Variants in PRKAG2 observed in about 807,000 individuals in gnomAD.
PRKAG2 encodes the protein 5'-AMP-activated protein kinase subunit gamma-2.
PRKAG2 carries 26 observed loss-of-function variants against 69.6 expected under a neutral mutation model. The observed-to-expected ratio is 0.37, with a 90% confidence interval of 0.27 to 0.52. PRKAG2 has a LOEUF of 0.52. Among genes scored for constraint, PRKAG2 ranks in the 20% least tolerant of loss-of-function variants. PRKAG2 has a pLI of 0.90. For missense variants in PRKAG2, 557 were observed against 740.0 expected, an observed-to-expected ratio of 0.75 and a Z score of 2.87; for synonymous variants, 293 against 285.0, an observed-to-expected ratio of 1.03 and a Z score of -0.28.
rs113764475 is a variant in PRKAG2 at position 151,731,522 on chromosome 7, CTGTG to C, written c.466+49626_466+49629del. Among the ~76,000 whole-genome samples, 5 of 107,762 alleles carry C rather than the reference CTGTG, an allele frequency of 4.6e-5. No homozygotes were observed. In the East Asian group the frequency reaches 9.3e-4, roughly 20 times the overall value. 70.7% of individuals were successfully genotyped at this position (107,762 alleles called of 152,430 possible). ...TGATTTGATGGCTGTGGGGAGAGCTCTGTGTGTGTGTGTGCGCACAGGTACATGA... is the reference window on the plus strand; with the variant it reads ...TGATTTGATGGCTGTGGGGAGAGCTCTGTGTGTGTGCGCACAGGTACATGA... On this transcript the variant is annotated intron_variant, in intron 3 of 15. Transcript: ENST00000287878.
At chr7:151,684,717 G>A (rs1834449067) in intron 3 of PRKAG2, among the ~76,000 whole-genome samples, 3 of 152,024 alleles carry the variant, frequency 2.0e-5, no homozygotes, top group Non-Finnish European at 2.9e-5. Flanking sequence ...TCCACCCTGC[G>A]GCCCCTCCAC....
chr7:151,692,081 G>C (rs542414746), intron 3 of PRKAG2, among the ~76,000 whole-genome samples: 1 of 152,222 alleles, frequency 6.6e-6, no homozygotes, highest in South Asian at 2.1e-4. Flanking sequence ...CCGGCTGCTT[G>C]GGAGGCTGAG....
intron 3 of PRKAG2, among the ~76,000 whole-genome samples, chr7:151,779,874 A>G (rs1586478560): frequency 6.6e-6 from 1 of 152,216 alleles, no homozygotes; most frequent in East Asian, 1.9e-4. Context: ...TCTGTACAGC[A>G]CTTTGATCCC....
chr7:151,634,919 G>A (rs923732835), intron 4 of PRKAG2, among the ~76,000 whole-genome samples: 2 of 150,866 alleles, frequency 1.3e-5, no homozygotes, highest in Non-Finnish European at 3.0e-5. Context: ...CTGCTGGTGG[G>A]AATGCAAAAT....
chr7:151,721,385 G>GCCAGGGCCGGGA (rs1337214253), intron 3 of PRKAG2, among the ~76,000 whole-genome samples: 43 of 132,876 alleles, frequency 3.2e-4, no homozygotes, highest in African/African-American at 1.1e-3. Flanking sequence ...CAGGGCCAGG[G>GCCAGGGCCGGGA]CCAGGGCCGG....
At chr7:151,654,804 T>G (rs1179550319) in intron 4 of PRKAG2, among the ~76,000 whole-genome samples, 1 of 152,238 alleles carries the variant, frequency 6.6e-6, no homozygotes, top group Non-Finnish European at 1.5e-5. Flanking sequence ...GCTGTTCTCA[T>G]GCCCCAGCTT....
chr7:151,856,403 T>C lies in PRKAG2; in HGVS notation c.114+20104A>G, dbSNP rs116810681. Among the ~76,000 whole-genome samples the C allele has an allele frequency of 8.8e-3, 1,337 of 152,344 alleles. 19 individuals are homozygous for C. The highest frequency in any genetic ancestry group is 0.027 in the African/African-American group (1,128 of 41,576). ...CCCCGAGGCGGGCCCCTGCGGAGGC[T>C]TGCAGCTCCCTGGAAGGTATTTTGC... is the stretch of plus-strand genomic sequence containing the variant. On this transcript the variant is annotated intron_variant, in intron 1 of 15. Coordinates refer to ENST00000287878, the MANE Select transcript of PRKAG2 (RefSeq NM_016203.4).
chr7:151,590,225 G>C (rs1412787780), intron 6 of PRKAG2, among the ~76,000 whole-genome samples: 1 of 152,212 alleles, frequency 6.6e-6, no homozygotes, highest in Non-Finnish European at 1.5e-5. Flanking sequence ...GAGTGCGCTG[G>C]GGCCTCTGAG....
Position 151,564,239 on chromosome 7 carries a change from GAGAATAAAT to G in PRKAG2, c.1438-24_1438-16del. On this transcript the variant is annotated splice_polypyrimidine_tract_variant and intron_variant, in intron 13 of 15. Transcript: ENST00000287878. ...GCAGCAAGATTCTGTAATGAAGCAA[GAGAATAAAT>G]TATATCCTTTCATTTCAGTTCACTT... The G allele has an allele frequency of 6.2e-7, 1 of 1,613,760 alleles. No individual in the cohort carries two copies. The highest frequency in any genetic ancestry group is 8.5e-7 in the Non-Finnish European group (1 of 1,179,688).
At chr7:151,740,484 G>A (rs762638126) in intron 3 of PRKAG2, among the ~76,000 whole-genome samples, 10 of 152,222 alleles carry the variant, frequency 6.6e-5, no homozygotes, top group Non-Finnish European at 1.2e-4. Flanking sequence ...TTTGAAAGTA[G>A]TGTCTTTATT....
chr7:151,559,643 G>C, intron 15 of PRKAG2: 2 of 985,012 alleles, frequency 2.0e-6, no homozygotes, highest in Non-Finnish European at 2.4e-6. Context: ...GGTATTTTTG[G>C]GTTACAGACT....
intron 4 of PRKAG2, among the ~76,000 whole-genome samples, chr7:151,640,835 C>G (rs989455899): frequency 4.6e-5 from 7 of 152,222 alleles, no homozygotes; most frequent in African/African-American, 1.4e-4. Flanking sequence ...AATGACTCAT[C>G]ATCCTTGTAT....
At chr7:151,696,504 G>A (rs1278737111) in intron 3 of PRKAG2, among the ~76,000 whole-genome samples, 2 of 152,200 alleles carry the variant, frequency 1.3e-5, no homozygotes, top group East Asian at 1.9e-4. Context: ...GCCTGCCGGC[G>A]CCTCAGCCCT....
At chr7:151,811,758 A>G (rs1881638) in intron 1 of PRKAG2, among the ~76,000 whole-genome samples, 123,639 of 152,192 alleles carry the variant, frequency 0.81, 50,605 homozygotes, top group African/African-American at 0.89. Flanking sequence ...CGAGCCACTT[A>G]CCTGTAGGTC....
chr7:151,718,358 C>A (rs1282635223), intron 3 of PRKAG2, among the ~76,000 whole-genome samples: 2 of 152,090 alleles, frequency 1.3e-5, no homozygotes, highest in African/African-American at 4.8e-5. Context: ...CTTTATTTAC[C>A]CTTAATTACC....
chr7:151,721,725 T>C (rs1797149429), intron 3 of PRKAG2, among the ~76,000 whole-genome samples: 1 of 152,162 alleles, frequency 6.6e-6, no homozygotes, highest in African/African-American at 2.4e-5. Context: ...TGTTTTGGCC[T>C]CGGATATTCA....
At chr7:151,724,100 C>T (rs1453186037) in intron 3 of PRKAG2, among the ~76,000 whole-genome samples, 1 of 152,150 alleles carries the variant, frequency 6.6e-6, no homozygotes, top group Non-Finnish European at 1.5e-5. Flanking sequence ...AGCACCATAC[C>T]TTTGCCCTAT....
intron 3 of PRKAG2, among the ~76,000 whole-genome samples, chr7:151,716,128 T>C (rs1305088021): frequency 1.3e-5 from 2 of 152,162 alleles, no homozygotes. Context: ...GCTGGAGATT[T>C]GCCTAATACA....
intron 3 of PRKAG2, among the ~76,000 whole-genome samples, chr7:151,765,985 C>G (rs930927844): frequency 6.6e-6 from 1 of 152,178 alleles, no homozygotes; most frequent in Non-Finnish European, 1.5e-5. Flanking sequence ...GGTGATTCAT[C>G]TGATAATGGT....
Sources: gnomAD v4.1 joint callset for allele counts (sites outside exome capture counted in the v4.1 genomes callset) on GRCh38, gnomAD v4.1.1 for gene constraint, MANE v1.5 for transcripts, NCBI Gene and HGNC (gene_info 2026-07-23, HGNC 2026-07-21) for gene names.